Variants in XKR6 observed in about 807,000 individuals in gnomAD.
The protein encoded by XKR6 is XK related 6.
XKR6 carries 22 observed loss-of-function variants against 56.7 expected under a neutral mutation model. That is an observed-to-expected ratio of 0.39 (90% CI 0.28 to 0.55). The LOEUF (loss-of-function observed/expected upper bound fraction) is 0.55. Ranked by LOEUF, XKR6 falls within the 20% of genes least tolerant of loss-of-function variation. The pLI, the probability that XKR6 is intolerant of heterozygous loss-of-function variation, is 0.66. For missense variants in XKR6, 852 were observed against 889.0 expected, an observed-to-expected ratio of 0.96 and a Z score of 0.53; for synonymous variants, 524 against 387.8, an observed-to-expected ratio of 1.35 and a Z score of -4.13.
chr8:11,062,312 C>G (rs1799855717), intron 1 of XKR6, among the ~76,000 whole-genome samples: 1 of 152,098 alleles, frequency 6.6e-6, no homozygotes, highest in Non-Finnish European at 1.5e-5. Context: ...TCAAAAGACC[C>G]AGGGGGCCAA....
intron 1 of XKR6, among the ~76,000 whole-genome samples, chr8:11,012,321 A>G (rs1798518687): frequency 6.6e-6 from 1 of 152,236 alleles, no homozygotes; most frequent in South Asian, 2.1e-4. Flanking sequence ...AAGTTACCTA[A>G]CCTTTCTGGC....
intron 1 of XKR6, among the ~76,000 whole-genome samples, chr8:11,044,772 C>A (rs959451768): frequency 7.2e-5 from 11 of 151,942 alleles, no homozygotes; most frequent in African/African-American, 2.7e-4. Context: ...GCGAATGCCA[C>A]CACTCTGGGC....
intron 1 of XKR6, among the ~76,000 whole-genome samples, chr8:11,199,972 CAA>C (rs80153634): frequency 7.3e-5 from 10 of 136,064 alleles, no homozygotes; most frequent in East Asian, 2.1e-4. Flanking sequence ...TCCAGCAAAC[CAA>C]AAAAAAAAAA....
intron 1 of XKR6, among the ~76,000 whole-genome samples, chr8:11,090,998 C>A (rs1304037317): frequency 6.6e-6 from 1 of 152,158 alleles, no homozygotes; most frequent in African/African-American, 2.4e-5. Flanking sequence ...GAGCCCAGGT[C>A]TCTATAACCT....
chr8:11,201,015 T>C lies in XKR6; in HGVS notation c.325A>G (p.Thr109Ala). 8.0e-7 allele frequency: 1 copy of C among 1,252,212 alleles called. No homozygotes were observed. Among genetic ancestry groups the C allele is most frequent in the Non-Finnish European group, 1.0e-6 (1 of 1,002,186 alleles). 77.6% of individuals were successfully genotyped at this position (1,252,212 alleles called of 1,614,324 possible). A position where few individuals can be genotyped will look rare whatever the true frequency, so the allele number is the denominator to read the frequency against. ...GGCTCCGGCCGCGCGGCCGAGGGCG[T>C]CGGGGGTTGGCGGCCGGCGCCGGGG... ...AAPGAGRQPPTPSAARPEPPP... is the reference protein window; with the variant it reads ...AAPGAGRQPPAPSAARPEPPP... Residue 109 changes from threonine to alanine, a missense_variant, in exon 1 of 3, where the codon ACG (threonine) becomes GCG (alanine). Thr to Ala is a moderately conservative substitution (Grantham distance 58). This residue lies in a region of XKR6 where 417 missense variants were observed against 355.2 expected (regional missense o/e 1.17). Coordinates refer to ENST00000416569, the MANE Select transcript of XKR6 (RefSeq NM_173683.4).
At chr8:11,108,553 G>C (rs777315565) in intron 1 of XKR6, 2 of 357,040 alleles carry the variant, frequency 5.6e-6, no homozygotes, top group South Asian at 4.3e-5. Flanking sequence ...GTGGCTCAGC[G>C]GCCTTAGTGC....
In XKR6 at chr8:11,201,097, C is replaced by T; in HGVS notation, c.243G>A (p.Lys81=). The part of the protein sequence containing the change: ...SACLRSLLGR[K]PRRSAAADGG... ...CGTCGGCGGCGGCGCTGCGGCGCGG[C>T]TTCCTGCCCAGGAGGGAGCGCAGGC... The change falls in exon 1 of 3, where the codon AAG becomes AAA. Residue 81 remains lysine (K), a synonymous_variant. Coordinates refer to ENST00000416569, the MANE Select transcript of XKR6 (RefSeq NM_173683.4). 1 of 1,407,216 alleles carries T rather than the reference C, an allele frequency of 7.1e-7. No homozygotes were observed. Among genetic ancestry groups the T allele is most frequent in the South Asian group, 1.5e-5 (1 of 68,538 alleles). 87.2% of individuals were successfully genotyped at this position (1,407,216 alleles called of 1,614,324 possible).
intron 1 of XKR6, among the ~76,000 whole-genome samples, chr8:11,114,266 G>A (rs572758914): frequency 1.3e-5 from 2 of 152,182 alleles, no homozygotes; most frequent in Non-Finnish European, 2.9e-5. Flanking sequence ...GTCTTATCCT[G>A]TTAGCCGCTG....
chr8:11,120,878 T>C (rs1450466471), intron 1 of XKR6, among the ~76,000 whole-genome samples: 1 of 152,006 alleles, frequency 6.6e-6, no homozygotes, highest in East Asian at 1.9e-4. Context: ...TCAGAAATAA[T>C]GCCGCATATC....
At chr8:11,197,920 G>C (rs1012238498) in intron 1 of XKR6, among the ~76,000 whole-genome samples, 4 of 152,122 alleles carry the variant, frequency 2.6e-5, no homozygotes, top group South Asian at 2.1e-4. Flanking sequence ...AAAATGTAAA[G>C]AGACAAGTAT....
chr8:11,191,784 G>A (rs780489100), intron 1 of XKR6, among the ~76,000 whole-genome samples: 3 of 151,964 alleles, frequency 2.0e-5, no homozygotes, highest in Non-Finnish European at 4.4e-5. Flanking sequence ...CCTGATTGGA[G>A]GGGAGAAAAA....
chr8:11,078,679 G>A (rs529486024), intron 1 of XKR6, among the ~76,000 whole-genome samples: 5 of 152,286 alleles, frequency 3.3e-5, no homozygotes, highest in South Asian at 2.1e-4. Flanking sequence ...ATGACAGCAC[G>A]AAGGCTGGGC....
chr8:10,898,282 C>G lies in XKR6; in HGVS notation c.1596G>C (p.Glu532Asp), dbSNP rs765557560. 2 of 1,613,996 alleles carry G rather than the reference C, an allele frequency of 1.2e-6. No individual in the cohort carries two copies. Among genetic ancestry groups the G allele is most frequent in the Admixed American group, 3.3e-5 (2 of 60,000 alleles). The change falls in exon 3 of 3, where the codon GAG becomes GAC. Residue 532 changes from glutamate to aspartate, a missense_variant. Around this residue, in one of 4 missense-constraint regions of XKR6, gnomAD observed 197 missense variants for 190.9 expected, o/e 1.03. Transcript: ENST00000416569. The surrounding 1 kb of genome is among the most constrained non-coding windows in gnomAD (Gnocchi z 6.6). ...CCTGGGTCCCCCGGTACCCAGGGAT[C>G]TCAGGCGCCATGGGCTCAACATCGG... ...LPPDVEPMAP[E>D]IPGYRGTQVT...
At position 11,200,278 on chromosome 8, in the gene XKR6, G is replaced by T. The variant is rs1304346967; in HGVS notation, c.764+298C>A. 1.3e-5 allele frequency among the ~76,000 whole-genome samples: 2 copies of T among 152,224 alleles called. No homozygotes were observed. Among genetic ancestry groups the T allele is most frequent in the African/African-American group, 2.4e-5 (1 of 41,464 alleles). ...ACCTCGGGAGGCAGGGAAAAGGGAC[G>T]CTTGGGAACGGAGCTCTGCAGAGGG... On this transcript the variant is annotated intron_variant, in intron 1 of 2. Transcript: ENST00000416569. The surrounding 1 kb of genome is among the most constrained non-coding windows in gnomAD (Gnocchi z 6.4).
chr8:10,963,315 T>G (rs959164331), intron 1 of XKR6, among the ~76,000 whole-genome samples: 2 of 152,200 alleles, frequency 1.3e-5, no homozygotes, highest in African/African-American at 4.8e-5. Flanking sequence ...GAGGCCTTTC[T>G]CGACCACCCT....
intron 1 of XKR6, chr8:11,137,761 G>C (rs559231532): frequency 4.4e-6 from 2 of 451,484 alleles, no homozygotes. Context: ...ATCCTGCTCC[G>C]GTCCTCTTTC....
chr8:11,071,480 CCA>C (rs879622307), intron 1 of XKR6, among the ~76,000 whole-genome samples: 3,445 of 84,944 alleles, frequency 0.041, 181 homozygotes, highest in African/African-American at 0.14. Context: ...AGCCCCGAGT[CCA>C]TGAGCCCCGA....
intron 1 of XKR6, among the ~76,000 whole-genome samples, chr8:11,140,101 G>C (rs1272445480): frequency 1.3e-5 from 2 of 151,484 alleles, no homozygotes; most frequent in Admixed American, 6.6e-5. Context: ...AAGAGAAACA[G>C]GCGGCTCGAA....
intron 1 of XKR6, among the ~76,000 whole-genome samples, chr8:11,148,777 G>A (rs988905847): frequency 6.6e-6 from 1 of 152,146 alleles, no homozygotes; most frequent in Non-Finnish European, 1.5e-5. Flanking sequence ...GACAACACAA[G>A]TATCCATTAG....
Sources: gnomAD v4.1 joint callset for allele counts (sites outside exome capture counted in the v4.1 genomes callset) on GRCh38, gnomAD v4.1.1 for gene constraint, gnomAD v4.1.1 regional missense constraint, Gnocchi (gnomAD v3.1) non-coding constraint, MANE v1.5 for transcripts, NCBI Gene and HGNC (gene_info 2026-07-23, HGNC 2026-07-21) for gene names.